NPTN: variants seen among roughly 807,000 people sequenced by gnomAD.
NPTN encodes the protein SDR-1.
In NPTN, 5 loss-of-function variants were observed where a neutral mutation model predicts 42.7. The ratio of observed to expected loss-of-function variants is 0.12; its 90% confidence interval spans 0.06 to 0.25. The LOEUF (loss-of-function observed/expected upper bound fraction) is 0.25. Ranked by LOEUF, NPTN falls within the 10% of genes least tolerant of loss-of-function variation. The pLI, the probability that NPTN is intolerant of heterozygous loss-of-function variation, is 1.00. For missense variants in NPTN, 307 were observed against 525.4 expected (o/e 0.58, Z 4.06); for synonymous variants, 180 against 201.9 (o/e 0.89, Z 0.92).
chr15:73,601,181 G>C (rs1490580366), intron 1 of NPTN, among the ~76,000 whole-genome samples: 1 of 152,122 alleles, frequency 6.6e-6, no homozygotes, highest in African/African-American at 2.4e-5. Flanking sequence ...CCTGAGTGGG[G>C]CTGGGACTAG....
At chr15:73,595,782 G>C (rs1896809549) in intron 2 of NPTN, among the ~76,000 whole-genome samples, 1 of 152,112 alleles carries the variant, frequency 6.6e-6, no homozygotes, top group Non-Finnish European at 1.5e-5. Context: ...ACTCTTCTTG[G>C]CCAGGAACGT....
intron 4 of NPTN, among the ~76,000 whole-genome samples, chr15:73,581,836 CT>C (rs975626130): frequency 1.2e-4 from 18 of 147,752 alleles, no homozygotes; most frequent in African/African-American, 2.5e-4. Context: ...ATATGGTGCT[CT>C]TTTTTTTTTT....
intron 2 of NPTN, among the ~76,000 whole-genome samples, 199 bp downstream of exon 2, chr15:73,596,823 G>A (rs1404317023): frequency 2.0e-5 from 3 of 151,954 alleles, no homozygotes; most frequent in Non-Finnish European, 4.4e-5. Flanking sequence ...CAGAGAGAAC[G>A]GCAAAGAAAA....
intron 2 of NPTN, among the ~76,000 whole-genome samples, chr15:73,594,296 T>C (rs1207692103): frequency 1.3e-5 from 2 of 152,154 alleles, no homozygotes; most frequent in Non-Finnish European, 2.9e-5. Flanking sequence ...TAAATGCTAC[T>C]CTTACCTGTG....
chr15:73,599,302 T>G (rs2141413433), intron 1 of NPTN, among the ~76,000 whole-genome samples: 1 of 152,144 alleles, frequency 6.6e-6, no homozygotes, highest in South Asian at 2.1e-4. Flanking sequence ...TCAAAGTCAA[T>G]GCCAGCTAAT....
intron 4 of NPTN, among the ~76,000 whole-genome samples, chr15:73,579,752 A>G (rs1049783583): frequency 2.0e-5 from 3 of 152,062 alleles, no homozygotes; most frequent in Admixed American, 6.6e-5. Context: ...ACCAATGGAG[A>G]GGGGCACACT....
At chr15:73,605,897 T>C (rs968066454) in intron 1 of NPTN, among the ~76,000 whole-genome samples, 4 of 151,836 alleles carry the variant, frequency 2.6e-5, no homozygotes, top group African/African-American at 9.7e-5. Context: ...TGTATGTTAC[T>C]TATCAGAAAA....
intron 6 of NPTN, chr15:73,563,592 G>A (rs1894815166): frequency 9.0e-7 from 1 of 1,105,384 alleles, no homozygotes; most frequent in African/African-American, 1.6e-5. Context: ...CTCTTAAATA[G>A]ATGAGAAGAC....
At position 73,560,583 on chromosome 15, in the gene NPTN, ATTTAC is replaced by A. The variant is rs945919897; in HGVS notation, c.*475_*479del. 6.0e-5 allele frequency: 9 copies of A among 150,926 alleles called. No homozygotes were observed. Among genetic ancestry groups the A allele is most frequent in the South Asian group, 2.1e-4 (1 of 4,818 alleles). 9.3% of individuals were successfully genotyped at this position (150,926 alleles called of 1,614,324 possible). On this transcript the variant is annotated 3_prime_UTR_variant, in exon 9 of 9. Transcript: ENST00000345330. ...TCAGCAGCTTAAAAATGAAACAAGC[ATTTAC>A]TTTATTTTGGATTTCTCCCACCCCC...
chr15:73,586,301 AT>A (rs1896316622), intron 4 of NPTN, among the ~76,000 whole-genome samples: 1 of 152,150 alleles, frequency 6.6e-6, no homozygotes, highest in Non-Finnish European at 1.5e-5. Flanking sequence ...CACATCCTTC[AT>A]TTTCATGTTG....
chr15:73,584,811 GAT>G (rs1896237511), intron 4 of NPTN, among the ~76,000 whole-genome samples: 1 of 145,624 alleles, frequency 6.9e-6, no homozygotes, highest in African/African-American at 2.5e-5. Context: ...ACCTGCTCCA[GAT>G]ACAAGGCCTC....
At chr15:73,610,721 T>C (rs745529624) in intron 1 of NPTN, among the ~76,000 whole-genome samples, 1 of 152,186 alleles carries the variant, frequency 6.6e-6, no homozygotes, top group Non-Finnish European at 1.5e-5. Flanking sequence ...GTGATAAAAG[T>C]TCATGAAATA....
At chr15:73,594,967 AAAG>A in intron 2 of NPTN, among the ~76,000 whole-genome samples, 1 of 152,100 alleles carries the variant, frequency 6.6e-6, no homozygotes, top group African/African-American at 2.4e-5. Context: ...AAAAAAAAAA[AAAG>A]CAGCAGCAGC....
At chr15:73,614,080 C>A (rs951663736) in intron 1 of NPTN, among the ~76,000 whole-genome samples, 1 of 151,342 alleles carries the variant, frequency 6.6e-6, no homozygotes, top group East Asian at 2.0e-4. Context: ...GGGAGGCTGG[C>A]GCAGGTAGAT....
intron 1 of NPTN, among the ~76,000 whole-genome samples, chr15:73,615,359 G>A (rs1448457738): frequency 1.3e-5 from 2 of 151,982 alleles, no homozygotes; most frequent in African/African-American, 4.8e-5. Context: ...TAGACATAAC[G>A]CAAAGTATAT....
In NPTN at chr15:73,633,182, G is replaced by A. The variant is rs961044900; in HGVS notation, c.34C>T (p.Leu12Phe). ...SGSSLPSALALSLLLVSGSLL... is the reference protein window; with the variant it reads ...SGSSLPSALAFSLLLVSGSLL... ...GAGCCAGAGACCAGCAACAGCGAGA[G>A]GGCCAGGGCGCTGGGCAGCGACGAA... Residue 12 changes from leucine to phenylalanine, a missense_variant, in exon 1 of 9, where the codon CTC becomes TTC. Leu to Phe is a conservative substitution (Grantham distance 22, BLOSUM62 0). Coordinates refer to ENST00000345330, the MANE Select transcript of NPTN (RefSeq NM_012428.4). 1 of 1,525,816 alleles carries A rather than the reference G, an allele frequency of 6.6e-7. No individual in the cohort carries two copies. The highest frequency in any genetic ancestry group is 8.8e-7 in the Non-Finnish European group (1 of 1,142,614). The allele number at this position is 1,525,816 out of a possible 1,614,324, so 94.5% of individuals were successfully genotyped here. A position where few individuals can be genotyped will look rare whatever the true frequency, so the allele number is the denominator to read the frequency against.
At chr15:73,600,736 AC>A (rs1257326839) in intron 1 of NPTN, among the ~76,000 whole-genome samples, 1 of 152,192 alleles carries the variant, frequency 6.6e-6, no homozygotes, top group Non-Finnish European at 1.5e-5. Flanking sequence ...AAAGCCAGGA[AC>A]CTTTGACCAA....
intron 6 of NPTN, chr15:73,568,628 A>G (rs1373690584): frequency 1.0e-6 from 1 of 985,346 alleles, no homozygotes; most frequent in African/African-American, 1.7e-5. Context: ...TGAAATCCCA[A>G]AGAAAGCAGG....
intron 1 of NPTN, among the ~76,000 whole-genome samples, chr15:73,601,805 G>C (rs918404224): frequency 5.3e-5 from 8 of 152,196 alleles, no homozygotes; most frequent in African/African-American, 1.9e-4. Context: ...GAGGGAAACT[G>C]AACAGTGGTT....
Sources: allele counts gnomAD v4.1 joint callset (sites outside exome capture counted in the v4.1 genomes callset), GRCh38; gene constraint gnomAD v4.1.1; transcripts MANE v1.5; gene names NCBI Gene and HGNC (gene_info 2026-07-23, HGNC 2026-07-21).